The following VAV3 variants were observed in gnomAD, a reference collection of about 807,000 sequenced individuals.
The protein encoded by VAV3 is guanine nucleotide exchange factor VAV3.
VAV3 carries 94 observed loss-of-function variants against 131.2 expected under a neutral mutation model. That is an observed-to-expected ratio of 0.72 (90% CI 0.61 to 0.85). The LOEUF (loss-of-function observed/expected upper bound fraction) is 0.85, where lower values mean the gene tolerates loss of function less well. Ranked by LOEUF, VAV3 falls within the 40% of genes least tolerant of loss-of-function variation. The probability of loss-of-function intolerance (pLI) is 0.00; values close to 1 mark genes in which losing one functional copy is unlikely to be tolerated. For missense variants in VAV3, 939 were observed against 1,002.7 expected (o/e 0.94, Z 0.86); for synonymous variants, 349 against 342.0 (o/e 1.02, Z -0.22).
At chr1:107,614,803 A>T (rs749330112) in intron 21 of VAV3, among the ~76,000 whole-genome samples, 6 of 152,152 alleles carry the variant, frequency 3.9e-5, no homozygotes, top group Non-Finnish European at 7.4e-5. Context: ...TATCCCTAAA[A>T]CAAAACTTCA....
At chr1:107,795,816 T>C (rs959288583) in intron 2 of VAV3, among the ~76,000 whole-genome samples, 4 of 152,342 alleles carry the variant, frequency 2.6e-5, no homozygotes, top group Admixed American at 6.5e-5. Flanking sequence ...GAGGGACATT[T>C]TGACTTTCCT....
intron 15 of VAV3, among the ~76,000 whole-genome samples, chr1:107,733,079 G>T (rs749770132): frequency 7.8e-4 from 118 of 152,178 alleles, no homozygotes; most frequent in Non-Finnish European, 1.8e-4. Flanking sequence ...CTCTGCTGGT[G>T]ATACCAAGGA....
At chr1:107,951,281 G>A (rs187824345) in intron 1 of VAV3, among the ~76,000 whole-genome samples, 2 of 152,174 alleles carry the variant, frequency 1.3e-5, no homozygotes, top group African/African-American at 4.8e-5. Flanking sequence ...TCACCCAGCT[G>A]CATGTACTTT....
intron 17 of VAV3, among the ~76,000 whole-genome samples, chr1:107,701,458 T>TTC (rs145373414): frequency 0.56 from 84,603 of 151,650 alleles, 24,613 homozygotes; most frequent in Non-Finnish European, 0.63. Flanking sequence ...ACAAAACCAT[T>TTC]TCTCTCCTAG....
chr1:107,915,812 A>G (rs570835948), intron 1 of VAV3, among the ~76,000 whole-genome samples: 5 of 152,200 alleles, frequency 3.3e-5, no homozygotes, highest in Non-Finnish European at 7.3e-5. Context: ...AGCACTCATT[A>G]TATGTGCTGT....
intron 1 of VAV3, among the ~76,000 whole-genome samples, chr1:107,906,260 T>G (rs951057256): frequency 6.6e-6 from 1 of 152,182 alleles, no homozygotes; most frequent in Non-Finnish European, 1.5e-5. Context: ...TTTGTTTTGT[T>G]TTGTTTTGTT....
chr1:107,913,154 T>C (rs1269338009), intron 1 of VAV3, among the ~76,000 whole-genome samples: 2 of 152,204 alleles, frequency 1.3e-5, no homozygotes, highest in East Asian at 1.9e-4. Flanking sequence ...GCAATCCATA[T>C]CTATATTTAA....
chr1:107,852,888 T>C (rs1669291515), intron 2 of VAV3, among the ~76,000 whole-genome samples: 1 of 152,176 alleles, frequency 6.6e-6, no homozygotes. Flanking sequence ...GCAAATGCTA[T>C]TCAAAGGATA....
At chr1:107,689,689 C>T (rs1659289193) in intron 17 of VAV3, among the ~76,000 whole-genome samples, 1 of 152,092 alleles carries the variant, frequency 6.6e-6, no homozygotes, top group Non-Finnish European at 1.5e-5. Context: ...CTTTGCTAGC[C>T]CTGAAATCAA....
At chr1:107,644,898 G>A (rs1018350714) in intron 19 of VAV3, among the ~76,000 whole-genome samples, 5 of 150,028 alleles carry the variant, frequency 3.3e-5, no homozygotes, top group Non-Finnish European at 7.4e-5. Flanking sequence ...ACATTACAAA[G>A]GGTACATACT....
chr1:107,714,998 T>A (rs74109199), intron 15 of VAV3, among the ~76,000 whole-genome samples: 3 of 152,336 alleles, frequency 2.0e-5, no homozygotes, highest in Admixed American at 6.5e-5. Flanking sequence ...GTAAAGTCAG[T>A]TAAATCTATA....
chr1:107,748,485 C>T (rs988271517), intron 15 of VAV3, among the ~76,000 whole-genome samples: 7 of 152,076 alleles, frequency 4.6e-5, no homozygotes, highest in African/African-American at 1.4e-4. Context: ...CTTAAATACA[C>T]GAAGCATTTT....
chr1:107,830,039 G>T lies in VAV3; in HGVS notation c.321+44862C>A, dbSNP rs537530176. Among the ~76,000 whole-genome samples, 13 of 152,220 alleles carry T rather than the reference G, an allele frequency of 8.5e-5. No individual in the cohort carries two copies. In the South Asian group the frequency reaches 2.7e-3, roughly 32 times the overall value. On this transcript the variant is annotated intron_variant, in intron 2 of 26. Coordinates refer to ENST00000370056, the MANE Select transcript of VAV3 (RefSeq NM_006113.5). ...AACTACTTAAAACTCCTTAACCAAA[G>T]ATTTAGATTCCCCTTTGAAGAAAAG... is the stretch of plus-strand genomic sequence containing the variant.
chr1:107,685,381 T>A (rs1278704396), intron 18 of VAV3, among the ~76,000 whole-genome samples: 1 of 152,240 alleles, frequency 6.6e-6, no homozygotes, highest in Non-Finnish European at 1.5e-5. Context: ...GAGAATTAAA[T>A]GAGTTAATTT....
chr1:107,760,307 A>G (rs1664341141), intron 10 of VAV3, among the ~76,000 whole-genome samples: 1 of 152,178 alleles, frequency 6.6e-6, no homozygotes, highest in South Asian at 2.1e-4. Context: ...TGTGGGCTAT[A>G]ACAAGAATCA....
At chr1:107,766,333 T>C (rs1043303738) in intron 8 of VAV3, 114 bp downstream of exon 8, 23 of 663,774 alleles carry the variant, frequency 3.5e-5, no homozygotes, top group Admixed American at 1.2e-4. Context: ...TTCTAATTAC[T>C]GCTCAGGTAG....
At chr1:107,840,850 G>T (rs1243162494) in intron 2 of VAV3, among the ~76,000 whole-genome samples, 1 of 152,060 alleles carries the variant, frequency 6.6e-6, no homozygotes, top group East Asian at 1.9e-4. Flanking sequence ...AAAAGCAAGT[G>T]TGAAGAACTA....
intron 15 of VAV3, among the ~76,000 whole-genome samples, chr1:107,719,045 C>A (rs892811694): frequency 6.6e-6 from 1 of 152,180 alleles, no homozygotes; most frequent in South Asian, 2.1e-4. Context: ...ACACCTTATA[C>A]AAACATTAAT....
chr1:107,835,914 C>T (rs911517701), intron 2 of VAV3, among the ~76,000 whole-genome samples: 2 of 152,218 alleles, frequency 1.3e-5, no homozygotes, highest in Non-Finnish European at 2.9e-5. Context: ...TAACCTTCAG[C>T]TCAGGCTGCC....
Sources: allele counts gnomAD v4.1 joint callset (sites outside exome capture counted in the v4.1 genomes callset), GRCh38; gene constraint gnomAD v4.1.1; transcripts MANE v1.5; gene names NCBI Gene and HGNC (gene_info 2026-07-23, HGNC 2026-07-21).